Variants in KLF12 observed in about 807,000 individuals in gnomAD.
The protein encoded by KLF12 is Krueppel-like factor 12.
In KLF12, 9 loss-of-function variants were observed where a neutral mutation model predicts 37.8. That is an observed-to-expected ratio of 0.24 (90% CI 0.14 to 0.42). The LOEUF (loss-of-function observed/expected upper bound fraction) is 0.42, where lower values mean the gene tolerates loss of function less well. Ranked by LOEUF, KLF12 falls within the 10% of genes least tolerant of loss-of-function variation. The pLI, the probability that KLF12 is intolerant of heterozygous loss-of-function variation, is 1.00. For missense variants in KLF12, 411 were observed against 516.0 expected (o/e 0.80, Z 1.97); for synonymous variants, 208 against 202.1 (o/e 1.03, Z -0.25).
chr13:73,933,082 T>C lies in KLF12; in HGVS notation c.123+10899A>G, dbSNP rs1289799759. Among the ~76,000 whole-genome samples the C allele has an allele frequency of 2.6e-5, 4 of 152,202 alleles. No homozygotes were observed. The East Asian group carries it at 7.7e-4, about 29-fold the overall frequency. On this transcript the variant is annotated intron_variant, in intron 3 of 7. Transcript: ENST00000377669. ...TACATGCATATCATCTCTGCAACTT[T>C]ATTTACTAATAAAAACAATATTACA...
intron 6 of KLF12, among the ~76,000 whole-genome samples, chr13:73,745,520 G>A (rs1878300921): frequency 6.6e-6 from 1 of 152,124 alleles, no homozygotes; most frequent in Admixed American, 6.5e-5. Flanking sequence ...TCTAACAAAT[G>A]TCAACCCAGA....
rs1555308731 is a variant in KLF12 at position 73,810,982 on chromosome 13, C to CTTTCTTT, written c.806+2169_806+2170insAAAGAAA. Among the ~76,000 whole-genome samples, 21 of 44,814 alleles carry CTTTCTTT rather than the reference C, an allele frequency of 4.7e-4. 2 individuals are homozygous for CTTTCTTT. Among genetic ancestry groups the CTTTCTTT allele is most frequent in the African/African-American group, 5.1e-4 (6 of 11,872 alleles). The allele number at this position is 44,814 out of a possible 152,430, so 29.4% of individuals were successfully genotyped here. On this transcript the variant is annotated intron_variant, in intron 5 of 7. Transcript: ENST00000377669. ...ATGTTTATTTTTTTAATTTTTCTTT[C>CTTTCTTT]TTTTTTTTTTTTTTTTTTTTTTTTT...
chr13:74,255,067 C>T, the KLF12 span, among the ~76,000 whole-genome samples: 3 of 152,172 alleles, frequency 2.0e-5, no homozygotes, highest in Non-Finnish European at 4.4e-5. Context: ...TTGATCAATA[C>T]TCCTGTCTAA....
At chr13:73,966,630 T>A (rs531291214) in intron 2 of KLF12, among the ~76,000 whole-genome samples, 1 of 152,156 alleles carries the variant, frequency 6.6e-6, no homozygotes, top group Non-Finnish European at 1.5e-5. Context: ...CAAAATTCAA[T>A]TTTCACTCAC....
chr13:73,869,922 T>C (rs4242955), intron 3 of KLF12, among the ~76,000 whole-genome samples: 151,201 of 152,280 alleles, frequency 0.99, 75,070 homozygotes, highest in East Asian at 1. Context: ...CAGAAGGCTC[T>C]GAGTAGAGCC....
At chr13:73,908,739 C>T (rs948056664) in intron 3 of KLF12, among the ~76,000 whole-genome samples, 5 of 152,074 alleles carry the variant, frequency 3.3e-5, no homozygotes, top group Admixed American at 3.3e-4. Context: ...CTAGGCCTCC[C>T]AAAGTGCTGG....
chr13:74,184,812 T>A, the KLF12 span, among the ~76,000 whole-genome samples: 2 of 152,188 alleles, frequency 1.3e-5, no homozygotes, highest in African/African-American at 2.4e-5. Flanking sequence ...TAGAGAAATA[T>A]TTTTATTGAT....
intron 1 of KLF12, among the ~76,000 whole-genome samples, chr13:74,124,880 G>A (rs779073839): frequency 9.2e-5 from 14 of 152,090 alleles, no homozygotes; most frequent in Non-Finnish European, 1.5e-4. Context: ...ACTGGGCCGC[G>A]TATGTTGGCC....
At chr13:73,960,427 A>C (rs530159490) in intron 2 of KLF12, 75 of 264,428 alleles carry the variant, frequency 2.8e-4, no homozygotes, top group African/African-American at 1.5e-3. Context: ...CTATACAATT[A>C]AAATAAATGC....
intron 3 of KLF12, among the ~76,000 whole-genome samples, chr13:73,937,862 C>T (rs967160023): frequency 6.6e-5 from 10 of 151,976 alleles, no homozygotes; most frequent in Non-Finnish European, 1.5e-4. Flanking sequence ...TGGAGGATAC[C>T]TCTTCTTAAA....
rs144170676 is a variant in KLF12 at position 73,780,179 on chromosome 13, G to A, written c.807-15179C>T. 5.1e-3 allele frequency among the ~76,000 whole-genome samples: 784 copies of A among 152,284 alleles called. 5 individuals are homozygous for A. The highest frequency in any genetic ancestry group is 0.017 in the African/African-American group (714 of 41,576). On this transcript the variant is annotated intron_variant, in intron 5 of 7. Transcript: ENST00000377669. ...CAATATCCTACTTTGTTTATTTTAT[G>A]AGCAAAGAAGCAACTCTTTTAAAAA...
chr13:73,772,171 A>T (rs1164896093), intron 5 of KLF12, among the ~76,000 whole-genome samples: 4 of 152,266 alleles, frequency 2.6e-5, no homozygotes, highest in African/African-American at 9.6e-5. Flanking sequence ...TTACTTAACC[A>T]ACATTTATTG....
chr13:74,112,816 A>T (rs1000782046), intron 1 of KLF12, among the ~76,000 whole-genome samples: 2 of 152,232 alleles, frequency 1.3e-5, no homozygotes, highest in Admixed American at 1.3e-4. Flanking sequence ...TCAACACTAG[A>T]AATGAGTAAG....
At chr13:74,249,906 C>G in the KLF12 span, among the ~76,000 whole-genome samples, 1 of 152,252 alleles carries the variant, frequency 6.6e-6, no homozygotes, top group South Asian at 2.1e-4. Context: ...GGGAACTGTG[C>G]CCTTGTGCTT....
intron 2 of KLF12, among the ~76,000 whole-genome samples, chr13:73,951,421 G>A (rs924345291): frequency 6.6e-5 from 10 of 152,126 alleles, no homozygotes; most frequent in African/African-American, 2.4e-4. Flanking sequence ...CCAAGATTAT[G>A]AAAATGACAA....
At chr13:73,705,715 GTTATTC>G (rs1874882111) in intron 7 of KLF12, among the ~76,000 whole-genome samples, 1 of 152,112 alleles carries the variant, frequency 6.6e-6, no homozygotes, top group Non-Finnish European at 1.5e-5. Context: ...CTCAAATCTA[GTTATTC>G]TTAGGCAGAA....
At chr13:74,000,812 TAA>T (rs1892260643) in intron 1 of KLF12, among the ~76,000 whole-genome samples, 1 of 152,196 alleles carries the variant, frequency 6.6e-6, no homozygotes, top group Non-Finnish European at 1.5e-5. Flanking sequence ...AATAAGTCTT[TAA>T]AAGAAAGTAA....
At position 73,906,008 on chromosome 13, in the gene KLF12, G is replaced by A. The variant is rs530063736; in HGVS notation, c.123+37973C>T. Among the ~76,000 whole-genome samples, 7 of 152,088 alleles carry A rather than the reference G, an allele frequency of 4.6e-5. No individual in the cohort carries two copies. In the East Asian group the frequency reaches 1.4e-3, roughly 29 times the overall value. On this transcript the variant is annotated intron_variant, in intron 3 of 7. Transcript: ENST00000377669. ...TCAGATCATTCATTTGATTACACTGGAGTTTGGTTTAATATGTGTATTGAT... is the reference window on the plus strand; with the variant it reads ...TCAGATCATTCATTTGATTACACTGAAGTTTGGTTTAATATGTGTATTGAT...
intron 6 of KLF12, among the ~76,000 whole-genome samples, chr13:73,734,300 G>A (rs140760100): frequency 1.2e-4 from 18 of 151,928 alleles, no homozygotes; most frequent in Non-Finnish European, 2.4e-4. Context: ...TGCTTGCTTT[G>A]CTTCATATAC....
Sources: allele counts gnomAD v4.1 joint callset (sites outside exome capture counted in the v4.1 genomes callset), GRCh38; gene constraint gnomAD v4.1.1; transcripts MANE v1.5; gene names NCBI Gene and HGNC (gene_info 2026-07-23, HGNC 2026-07-21).